The following LRRTM4 variants were observed in gnomAD, a reference collection of about 807,000 sequenced individuals.
The protein encoded by LRRTM4 is leucine rich repeat transmembrane neuronal 4.
Under a neutral mutation model 47.6 loss-of-function variants are expected in LRRTM4, and 25 were observed. That is an observed-to-expected ratio of 0.53 (90% CI 0.38 to 0.73). The LOEUF (loss-of-function observed/expected upper bound fraction) is 0.73. Among genes scored for constraint, LRRTM4 ranks in the 30% least tolerant of loss-of-function variants. The pLI is 0.00. For missense variants in LRRTM4, 638 were observed against 713.4 expected (o/e 0.89, Z 1.20); for synonymous variants, 311 against 269.5 (o/e 1.15, Z -1.51).
At chr2:77,136,277 A>C (rs2103987575) in intron 3 of LRRTM4, among the ~76,000 whole-genome samples, 1 of 152,304 alleles carries the variant, frequency 6.6e-6, no homozygotes, top group South Asian at 2.1e-4. Context: ...TCTGAGACAA[A>C]GCTTCCAGAA....
intron 3 of LRRTM4, among the ~76,000 whole-genome samples, chr2:77,190,827 A>C (rs983387235): frequency 1.3e-5 from 2 of 152,182 alleles, no homozygotes; most frequent in Non-Finnish European, 2.9e-5. Flanking sequence ...ATATATACAT[A>C]AACTGTACTT....
intron 3 of LRRTM4, among the ~76,000 whole-genome samples, chr2:77,276,250 A>G (rs2104085327): frequency 6.6e-6 from 1 of 151,818 alleles, no homozygotes; most frequent in Middle Eastern, 3.4e-3. Context: ...CCTATTTCAG[A>G]GCCTCAAGGA....
intron 3 of LRRTM4, among the ~76,000 whole-genome samples, chr2:77,161,122 CTATAGGCATAGTTAAACGA>C (rs1371545939): frequency 1.3e-5 from 2 of 152,192 alleles, no homozygotes; most frequent in Non-Finnish European, 2.9e-5. Flanking sequence ...TTCTGCTAAG[CTATAGGCATAGTTAAACGA>C]TAACCCAGCA....
At chr2:77,476,238 C>T (rs58183582) in intron 3 of LRRTM4, among the ~76,000 whole-genome samples, 2,895 of 148,602 alleles carry the variant, frequency 0.019, 93 homozygotes, top group African/African-American at 0.066. Context: ...CTTATAAGTG[C>T]TATGCCTCTA....
At chr2:76,998,682 CA>C (rs1179859029) in intron 3 of LRRTM4, among the ~76,000 whole-genome samples, 1 of 150,692 alleles carries the variant, frequency 6.6e-6, no homozygotes, top group African/African-American at 2.4e-5. Flanking sequence ...AAAAAAAACC[CA>C]AAAAAACAAA....
At chr2:77,356,602 T>G (rs1441728883) in intron 3 of LRRTM4, among the ~76,000 whole-genome samples, 1 of 152,180 alleles carries the variant, frequency 6.6e-6, no homozygotes, top group Non-Finnish European at 1.5e-5. Context: ...AATGAATCAT[T>G]AAGACAATTT....
chr2:77,323,481 G>A (rs1377348161), intron 3 of LRRTM4, among the ~76,000 whole-genome samples: 1 of 152,060 alleles, frequency 6.6e-6, no homozygotes. Flanking sequence ...AAACATTTCT[G>A]TTTGTTTCTT....
intron 3 of LRRTM4, among the ~76,000 whole-genome samples, chr2:76,930,858 A>C (rs1398156612): frequency 6.6e-6 from 1 of 152,196 alleles, no homozygotes; most frequent in African/African-American, 2.4e-5. Context: ...TCAAGAAATT[A>C]TGAAGCACTG....
chr2:77,328,782 C>T (rs185545371), intron 3 of LRRTM4, among the ~76,000 whole-genome samples: 32 of 152,110 alleles, frequency 2.1e-4, no homozygotes, highest in African/African-American at 7.5e-4. Context: ...TCGGGCTGCA[C>T]TATAGGCACA....
intron 3 of LRRTM4, among the ~76,000 whole-genome samples, chr2:76,911,948 G>T (rs146860282): frequency 0.17 from 22,418 of 129,640 alleles, 3,558 homozygotes; most frequent in Admixed American, 0.25. Flanking sequence ...GGGGGGGGGG[G>T]GGACAGAGTC....
At chr2:77,156,581 C>T (rs1672565915) in intron 3 of LRRTM4, among the ~76,000 whole-genome samples, 2 of 151,908 alleles carry the variant, frequency 1.3e-5, no homozygotes, top group South Asian at 4.1e-4. Context: ...CTAAAAACAT[C>T]CAAAACAACA....
At chr2:77,263,440 A>G (rs1182387207) in intron 3 of LRRTM4, among the ~76,000 whole-genome samples, 1 of 152,096 alleles carries the variant, frequency 6.6e-6, no homozygotes, top group Admixed American at 6.6e-5. Context: ...CTGGAGACCT[A>G]CTGCTTTGAT....
intron 3 of LRRTM4, among the ~76,000 whole-genome samples, chr2:77,246,854 T>C (rs1040172801): frequency 1.3e-5 from 2 of 152,122 alleles, no homozygotes; most frequent in Non-Finnish European, 2.9e-5. Context: ...TATGCATATA[T>C]AGACATATTA....
rs1263784299 is a variant in LRRTM4, at chr2:76,787,040, ATAAGGATGCCC to A, written c.1552-38135_1552-38125del. 3.3e-5 allele frequency among the ~76,000 whole-genome samples: 5 copies of A among 152,244 alleles called. No individual in the cohort carries two copies. The East Asian group carries it at 9.7e-4, about 29-fold the overall frequency. On this transcript the variant is annotated intron_variant, in intron 3 of 3. Transcript: ENST00000409884. ...CATGAGGGATATCTAAGGGAAGTAC[ATAAGGATGCCC>A]TAAGGAAAATTCCCACTTTGTTATT...
intron 3 of LRRTM4, among the ~76,000 whole-genome samples, chr2:77,419,289 T>C (rs1674773486): frequency 6.6e-6 from 1 of 152,214 alleles, no homozygotes; most frequent in Non-Finnish European, 1.5e-5. Flanking sequence ...ATTAATGCTG[T>C]GTCAATAGAA....
At chr2:77,034,873 GAGA>G (rs1558540746) in intron 3 of LRRTM4, among the ~76,000 whole-genome samples, 2 of 151,690 alleles carry the variant, frequency 1.3e-5, no homozygotes, top group African/African-American at 4.8e-5. Flanking sequence ...ATTCTATAAA[GAGA>G]AGATTTCATT....
chr2:77,098,239 G>T (rs959106334), intron 3 of LRRTM4, among the ~76,000 whole-genome samples: 5 of 152,020 alleles, frequency 3.3e-5, no homozygotes, highest in African/African-American at 1.2e-4. Context: ...ATCAACTTGG[G>T]AGAACTTATC....
At chr2:77,428,758 A>T (rs575311101) in intron 3 of LRRTM4, among the ~76,000 whole-genome samples, 1 of 152,318 alleles carries the variant, frequency 6.6e-6, no homozygotes, top group South Asian at 2.1e-4. Context: ...TAACTATTGC[A>T]TGTTCTTAAG....
At chr2:76,784,888 G>C (rs541101544) in intron 3 of LRRTM4, among the ~76,000 whole-genome samples, 1 of 152,060 alleles carries the variant, frequency 6.6e-6, no homozygotes, top group Admixed American at 6.6e-5. Context: ...GATCATAGAA[G>C]CAGTTATTTT....
Sources: gnomAD v4.1 joint callset for allele counts (sites outside exome capture counted in the v4.1 genomes callset) on GRCh38, gnomAD v4.1.1 for gene constraint, MANE v1.5 for transcripts, NCBI Gene and HGNC (gene_info 2026-07-23, HGNC 2026-07-21) for gene names.